The following PLA2G5 variants were observed in gnomAD, a reference collection of about 807,000 sequenced individuals.
The protein encoded by PLA2G5 is phospholipase A2 group V.
Under a neutral mutation model 15.9 loss-of-function variants are expected in PLA2G5, and 12 were observed. The observed-to-expected ratio is 0.76, with a 90% confidence interval of 0.48 to 1.23. The LOEUF (loss-of-function observed/expected upper bound fraction) is 1.23. PLA2G5 is among the 50% of genes most tolerant of loss of function. The probability of loss-of-function intolerance (pLI) is 0.00; values close to 1 mark genes in which losing one functional copy is unlikely to be tolerated. For missense variants in PLA2G5, 169 were observed against 177.1 expected (o/e 0.95, Z 0.26); for synonymous variants, 71 against 71.4 (o/e 0.99, Z 0.03).
At chr1:20,072,847 G>A (rs1053953666) in intron 1 of PLA2G5, among the ~76,000 whole-genome samples, 16 of 152,106 alleles carry the variant, frequency 1.1e-4, no homozygotes, top group Admixed American at 9.2e-4. Context: ...CATTCTGAAG[G>A]CCTGTTCCCA....
rs1489883145 is a variant in PLA2G5, at chr1:20,086,115, C to T, written c.73C>T (p.Leu25=). 3 of 1,613,956 alleles carry T rather than the reference C, an allele frequency of 1.9e-6. No homozygotes were observed. Among genetic ancestry groups the T allele is most frequent in the African/African-American group, 2.7e-5 (2 of 74,880 alleles). Reference sequence around the variant, plus strand: ...TGCTGTGCAAGGAGGCTTGCTGGACCTAAAATCAATGATCGAGAAGGTGAC... The same window carrying T: ...TGCTGTGCAAGGAGGCTTGCTGGACTTAAAATCAATGATCGAGAAGGTGAC... The part of the protein sequence containing the change: ...VPAVQGGLLD[L]KSMIEKVTGK... Residue 25 remains leucine (L), a synonymous_variant, in exon 3 of 5, where the codon CTA becomes TTA. Transcript: ENST00000375108.
intron 1 of PLA2G5, among the ~76,000 whole-genome samples, chr1:20,072,664 T>C (rs1396928949): frequency 6.6e-6 from 1 of 152,160 alleles, no homozygotes; most frequent in Non-Finnish European, 1.5e-5. Flanking sequence ...CAGGTGCCTC[T>C]GACTTGGGCG....
intron 1 of PLA2G5, among the ~76,000 whole-genome samples, chr1:20,032,266 C>T (rs1242148192): frequency 6.6e-6 from 1 of 151,970 alleles, no homozygotes; most frequent in Non-Finnish European, 1.5e-5. Flanking sequence ...CAAATGCTCG[C>T]CTGTTGTCTG....
At chr1:20,077,924 G>A (rs2015776304) in intron 1 of PLA2G5, among the ~76,000 whole-genome samples, 2 of 152,172 alleles carry the variant, frequency 1.3e-5, no homozygotes, top group South Asian at 2.1e-4. Context: ...GGACACCCCC[G>A]GATGCCTGCA....
At chr1:20,061,160 A>T (rs752307131) in intron 2 of PLA2G5, among the ~76,000 whole-genome samples, 2 of 152,194 alleles carry the variant, frequency 1.3e-5, no homozygotes, top group Non-Finnish European at 2.9e-5. Flanking sequence ...CCAGGGATAC[A>T]AATGAATCTA....
intron 1 of PLA2G5, among the ~76,000 whole-genome samples, chr1:20,055,438 G>T (rs907846824): frequency 3.9e-5 from 6 of 152,146 alleles, no homozygotes; most frequent in Non-Finnish European, 5.9e-5. Flanking sequence ...GGTTTCAATT[G>T]TTCTCATTCT....
At chr1:20,090,385 C>G (rs565503) in intron 4 of PLA2G5, among the ~76,000 whole-genome samples, 183 bp from the exon 5 acceptor site, 128,476 of 152,128 alleles carry the variant, frequency 0.84, 54,246 homozygotes, top group Middle Eastern at 0.91. Context: ...CTGTCTCCTG[C>G]ACTGAAACCT....
In PLA2G5 at chr1:20,091,440, G is replaced by A. The variant is rs1459121275; in HGVS notation, c.*748G>A. ...CTTCAGCTTCCAGGCCAGAGAGGGT[G>A]GCATTCAAATCCCAGTGCTGGCTTC... is the stretch of plus-strand genomic sequence containing the variant. On this transcript the variant is annotated 3_prime_UTR_variant, in exon 5 of 5. Coordinates refer to ENST00000375108, the MANE Select transcript of PLA2G5 (RefSeq NM_000929.3). Among the ~76,000 whole-genome samples the A allele has an allele frequency of 1.3e-5, 2 of 152,182 alleles. No individual in the cohort carries two copies. Among genetic ancestry groups the A allele is most frequent in the Non-Finnish European group, 2.9e-5 (2 of 68,030 alleles).
rs1044126197 is a variant in PLA2G5 at position 20,070,396 on chromosome 1, C to T, written c.-80C>T. ...GGGGAGCCCGCGAGACCCGGGTCTC[C>T]AGGGTCTGCCCAAGGAAGTTGCTCA... On this transcript the variant is annotated 5_prime_UTR_variant, in exon 1 of 5. The change creates a premature stop within an existing upstream ORF in the 5' untranslated region. Coordinates refer to ENST00000375108, the MANE Select transcript of PLA2G5 (RefSeq NM_000929.3). 1 of 985,406 alleles carries T rather than the reference C, an allele frequency of 1.0e-6. No homozygotes were observed. Among genetic ancestry groups the T allele is most frequent in the Non-Finnish European group, 1.2e-6 (1 of 829,918 alleles). The allele number at this position is 985,406 out of a possible 1,614,324, so 61.0% of individuals were successfully genotyped here.
chr1:20,033,289 T>G (rs571889459), intron 1 of PLA2G5, among the ~76,000 whole-genome samples: 4 of 152,292 alleles, frequency 2.6e-5, no homozygotes, highest in Admixed American at 2.6e-4. Flanking sequence ...CAAAAGGGCT[T>G]GCAAAATGTG....
At chr1:20,061,582 T>G (rs1371604474) in intron 2 of PLA2G5, among the ~76,000 whole-genome samples, 2 of 115,478 alleles carry the variant, frequency 1.7e-5, no homozygotes, top group African/African-American at 7.1e-5. Context: ...TAAGACCCTG[T>G]CTCCAAAAAA....
intron 2 of PLA2G5, among the ~76,000 whole-genome samples, chr1:20,062,762 G>T (rs977169152): frequency 6.6e-6 from 1 of 152,208 alleles, no homozygotes; most frequent in Admixed American, 6.5e-5. Flanking sequence ...AATGTGTGTT[G>T]GGTGATGGAC....
rs1056159203 is a variant in PLA2G5, at chr1:20,090,895, C to G, written c.*203C>G. 1.3e-5 allele frequency: 7 copies of G among 548,674 alleles called. No individual in the cohort carries two copies. Among genetic ancestry groups the G allele is most frequent in the African/African-American group, 3.8e-5 (2 of 52,846 alleles). The allele number at this position is 548,674 out of a possible 1,614,324, so 34.0% of individuals were successfully genotyped here. A position where few individuals can be genotyped will look rare whatever the true frequency, so the allele number is the denominator to read the frequency against. ...TCTGGTCATAGGACTTGGTAGGGTC[C>G]CAGGGTCCCTAGGCCTCCACTTCTG... On this transcript the variant is annotated 3_prime_UTR_variant, in exon 5 of 5. Transcript: ENST00000375108.
In PLA2G5 at chr1:20,090,944, A is replaced by G. The variant is rs1266689806; in HGVS notation, c.*252A>G. 7.3e-6 allele frequency: 3 copies of G among 412,838 alleles called. No homozygotes were observed. Among genetic ancestry groups the G allele is most frequent in the Non-Finnish European group, 1.3e-5 (3 of 228,944 alleles). The allele number at this position is 412,838 out of a possible 1,614,324, so 25.6% of individuals were successfully genotyped here. On this transcript the variant is annotated 3_prime_UTR_variant, in exon 5 of 5. Coordinates refer to ENST00000375108, the MANE Select transcript of PLA2G5 (RefSeq NM_000929.3). The stretch of plus-strand genomic sequence containing the variant: ...TGAGGGCAGCCCCTCTGGTGCCAAG[A>G]GCTCTCCTCCAACTCAGGGTTGGCT...
At chr1:20,040,336 C>T (rs2013521460) in intron 1 of PLA2G5, among the ~76,000 whole-genome samples, 2 of 152,132 alleles carry the variant, frequency 1.3e-5, no homozygotes, top group Admixed American at 1.3e-4. Flanking sequence ...AGCCATCTTA[C>T]TTATGTGCAT....
At chr1:20,044,991 T>C (rs1287872532) in intron 1 of PLA2G5, among the ~76,000 whole-genome samples, 2 of 152,108 alleles carry the variant, frequency 1.3e-5, no homozygotes, top group Non-Finnish European at 2.9e-5. Context: ...TGCCTGGATA[T>C]CAGGCATCTC....
chr1:20,068,908 C>T (rs11573185), upstream of PLA2G5: 20 of 1,286,042 alleles, frequency 1.6e-5, no homozygotes, highest in South Asian at 1.6e-4. Flanking sequence ...CACACTCCCC[C>T]CTACGTCCTT....
intron 1 of PLA2G5, chr1:20,054,695 C>T (rs538614232): frequency 1.3e-5 from 2 of 152,218 alleles, no homozygotes; most frequent in East Asian, 3.9e-4. Context: ...TCCAACCATT[C>T]TCCCAGGATA....
At chr1:20,057,400 G>T (rs1377556425) in intron 1 of PLA2G5, among the ~76,000 whole-genome samples, 22 of 150,826 alleles carry the variant, frequency 1.5e-4, no homozygotes, top group African/African-American at 3.2e-4. Flanking sequence ...TAAATTTTTT[G>T]GGGGGTAATT....
Sources: allele counts gnomAD v4.1 joint callset (sites outside exome capture counted in the v4.1 genomes callset), GRCh38; gene constraint gnomAD v4.1.1; transcripts MANE v1.5; gene names NCBI Gene and HGNC (gene_info 2026-07-23, HGNC 2026-07-21).